The following RAB28 variants were observed in gnomAD, a reference collection of about 807,000 sequenced individuals.
The protein encoded by RAB28 is RAB28, member RAS oncogene family.
Under a neutral mutation model 31.7 loss-of-function variants are expected in RAB28, and 24 were observed. The observed-to-expected ratio is 0.76, with a 90% CI of 0.55 to 1.06. RAB28 has a LOEUF of 1.06. Ranked by LOEUF, RAB28 falls within the 50% of genes least tolerant of loss-of-function variation. RAB28 has a pLI of 0.00. For missense variants in RAB28, 254 were observed against 258.5 expected (o/e 0.98, Z 0.12); for synonymous variants, 100 against 90.4 (o/e 1.11, Z -0.60).
At chr4:13,453,419 T>C (rs1715083088) in intron 4 of RAB28, among the ~76,000 whole-genome samples, 1 of 152,142 alleles carries the variant, frequency 6.6e-6, no homozygotes, top group Non-Finnish European at 1.5e-5. Context: ...TTTCTCTTTT[T>C]CCTTTGTGTA....
At chr4:13,406,565 A>C (rs997665090) in intron 4 of RAB28, among the ~76,000 whole-genome samples, 1 of 152,208 alleles carries the variant, frequency 6.6e-6, no homozygotes, top group Non-Finnish European at 1.5e-5. Flanking sequence ...TAGACCATTG[A>C]GGAATCGCCA....
chr4:13,375,281 A>T (rs1482702557), intron 6 of RAB28, among the ~76,000 whole-genome samples: 1 of 152,198 alleles, frequency 6.6e-6, no homozygotes, highest in Non-Finnish European at 1.5e-5. Flanking sequence ...GAGATAACAC[A>T]GTCCCCCTGG....
chr4:13,468,759 C>A (rs1577243889), intron 3 of RAB28, among the ~76,000 whole-genome samples: 1 of 145,892 alleles, frequency 6.9e-6, no homozygotes, highest in African/African-American at 2.5e-5. Context: ...CAGAGAAAAT[C>A]AACAAAGCCA....
At chr4:13,480,203 T>C (rs896589794) in intron 1 of RAB28, among the ~76,000 whole-genome samples, 1 of 151,810 alleles carries the variant, frequency 6.6e-6, no homozygotes, top group Admixed American at 6.6e-5. Flanking sequence ...GATATACATT[T>C]GTTTTTTAAT....
chr4:13,463,559 T>C (rs1715702053), intron 3 of RAB28, among the ~76,000 whole-genome samples: 1 of 152,146 alleles, frequency 6.6e-6, no homozygotes, highest in Non-Finnish European at 1.5e-5. Flanking sequence ...ATATTTACTA[T>C]CTAGCTCTTT....
At chr4:13,383,478 A>G (rs947505337) in intron 4 of RAB28, among the ~76,000 whole-genome samples, 1 of 150,692 alleles carries the variant, frequency 6.6e-6, no homozygotes, top group African/African-American at 2.5e-5. Context: ...TGTTCAATTG[A>G]AAAAAAAAGA....
At chr4:13,430,174 T>A (rs967507831) in intron 4 of RAB28, among the ~76,000 whole-genome samples, 4 of 151,120 alleles carry the variant, frequency 2.6e-5, no homozygotes, top group East Asian at 1.9e-4. Flanking sequence ...TTAAAAAAAA[T>A]TTTTTTTTTA....
intron 4 of RAB28, among the ~76,000 whole-genome samples, chr4:13,460,362 T>A (rs555421229): frequency 6.6e-6 from 1 of 152,182 alleles, no homozygotes; most frequent in African/African-American, 2.4e-5. Flanking sequence ...ATGTCTCTTA[T>A]GAAGGCATTA....
chr4:13,390,975 A>C (rs1447384120), intron 4 of RAB28, among the ~76,000 whole-genome samples: 2 of 152,150 alleles, frequency 1.3e-5, no homozygotes, highest in Admixed American at 6.6e-5. Flanking sequence ...TGGGCAATAC[A>C]ATTCAGGACA....
At position 13,447,518 on chromosome 4, in the gene RAB28, C is replaced by A. The variant is rs569924764; in HGVS notation, c.391+13181G>T. The stretch of plus-strand genomic sequence containing the variant: ...CATACCTGTTGAATTGATTTACTTA[C>A]ACTGCAAAACTACACATTCATGTGA... On this transcript the variant is annotated intron_variant, in intron 4 of 6. Transcript: ENST00000330852. 5.3e-5 allele frequency among the ~76,000 whole-genome samples: 8 copies of A among 152,236 alleles called. No homozygotes were observed. The East Asian group carries it at 1.4e-3, about 26-fold the overall frequency.
At chr4:13,443,560 T>C (rs777970560) in intron 4 of RAB28, among the ~76,000 whole-genome samples, 2 of 152,242 alleles carry the variant, frequency 1.3e-5, no homozygotes, top group South Asian at 2.1e-4. Flanking sequence ...TAAGGTATAA[T>C]TGACATAAAA....
At chr4:13,417,904 T>G (rs955468392) in intron 4 of RAB28, among the ~76,000 whole-genome samples, 3 of 152,318 alleles carry the variant, frequency 2.0e-5, no homozygotes, top group Middle Eastern at 6.8e-3. Flanking sequence ...ATGACTTTGA[T>G]GAGCTGACAG....
chr4:13,460,808 A>G lies in RAB28; in HGVS notation c.282T>C (p.Asp94=), dbSNP rs1432704225. ...YGAQGVLLVY[D]ITNYQSFENL... is the part of the protein sequence containing the mutation. ...TCTCAAAGCTTTGATAATTTGTAAT[A>G]TCATATACCAAGAGGACTCCCTGTC... The change falls in exon 4 of 7, where the codon GAT becomes GAC. Residue 94 remains aspartate, a synonymous_variant. Transcript: ENST00000330852. The G allele has an allele frequency of 1.7e-5, 28 of 1,612,916 alleles. No homozygotes were observed. Among genetic ancestry groups the G allele is most frequent in the Middle Eastern group, 1.6e-4 (1 of 6,080 alleles).
At chr4:13,414,738 G>A (rs895916977) in intron 4 of RAB28, among the ~76,000 whole-genome samples, 2 of 151,896 alleles carry the variant, frequency 1.3e-5, no homozygotes, top group Non-Finnish European at 2.9e-5. Context: ...AATATGCTGT[G>A]ACAAAAAAAG....
intron 2 of RAB28, 34 bp from the exon 3 acceptor site, chr4:13,474,440 T>A: frequency 7.7e-7 from 1 of 1,292,088 alleles, no homozygotes; most frequent in Non-Finnish European, 1.1e-6. Context: ...AAAATAAGAA[T>A]ACCAAAAAAA....
intron 5 of RAB28, among the ~76,000 whole-genome samples, chr4:13,378,499 G>A (rs909793933): frequency 2.0e-5 from 3 of 152,144 alleles, no homozygotes; most frequent in Non-Finnish European, 2.9e-5. Flanking sequence ...GAAAGTGAAG[G>A]AAGGAAATAA....
intron 3 of RAB28, among the ~76,000 whole-genome samples, chr4:13,469,700 A>G (rs894452985): frequency 3.3e-5 from 5 of 151,940 alleles, no homozygotes; most frequent in South Asian, 4.2e-4. Flanking sequence ...AATCGACAGC[A>G]ATTTTCTTTT....
At chr4:13,371,075 A>T (rs1294518713) in intron 6 of RAB28, 1 of 984,340 alleles carries the variant, frequency 1.0e-6, no homozygotes, top group Non-Finnish European at 1.2e-6. Context: ...TCTTAATATG[A>T]GCTGCTGTGT....
intron 4 of RAB28, among the ~76,000 whole-genome samples, chr4:13,441,786 A>G (rs1321470755): frequency 6.6e-6 from 1 of 152,212 alleles, no homozygotes; most frequent in Non-Finnish European, 1.5e-5. Context: ...ACCATTTTCC[A>G]TTAATACTTA....
Sources: gnomAD v4.1 joint callset for allele counts (sites outside exome capture counted in the v4.1 genomes callset) on GRCh38, gnomAD v4.1.1 for gene constraint, MANE v1.5 for transcripts, NCBI Gene and HGNC (gene_info 2026-07-23, HGNC 2026-07-21) for gene names.